The following NID2 variants were observed in gnomAD, a reference collection of about 807,000 sequenced individuals.
NID2 encodes nidogen-2.
In NID2, 83 loss-of-function variants were observed where a neutral mutation model predicts 145.4. The observed-to-expected ratio is 0.57, with a 90% confidence interval of 0.48 to 0.69. NID2 has a LOEUF of 0.69. NID2 is among the 30% of genes least tolerant of loss of function. The pLI, the probability that NID2 is intolerant of heterozygous loss-of-function variation, is 0.00. For missense variants in NID2, 1,807 were observed against 1,765.7 expected (o/e 1.02, Z -0.42); for synonymous variants, 739 against 701.3 (o/e 1.05, Z -0.85).
chr14:52,061,845 A>G (rs774620520), intron 2 of NID2, among the ~76,000 whole-genome samples: 10 of 152,252 alleles, frequency 6.6e-5, no homozygotes, highest in Non-Finnish European at 1.3e-4. Flanking sequence ...TAGGCTTCTG[A>G]AACTGTCTCT....
chr14:52,066,189 C>G (rs1893203837), intron 2 of NID2, among the ~76,000 whole-genome samples: 1 of 151,914 alleles, frequency 6.6e-6, no homozygotes, highest in Non-Finnish European at 1.5e-5. Context: ...AGAAAAGGAC[C>G]AGACAAAAGT....
Position 52,054,340 on chromosome 14 carries a change from G to C in NID2, c.768-19C>G. Reference sequence around the variant, plus strand: ...GCTTAGTCTAAATAAAAAGGAAACAGTCATTGTAACAAATGTAACAAAAGT... The same window carrying C: ...GCTTAGTCTAAATAAAAAGGAAACACTCATTGTAACAAATGTAACAAAAGT... On this transcript the variant is annotated intron_variant, in intron 3 of 21. Transcript: ENST00000216286. The C allele has an allele frequency of 1.3e-6, 2 of 1,595,994 alleles. No individual in the cohort carries two copies. Among genetic ancestry groups the C allele is most frequent in the South Asian group, 1.1e-5 (1 of 89,200 alleles).
chr14:52,033,228 C>A (rs536439050), intron 9 of NID2, among the ~76,000 whole-genome samples: 1 of 152,272 alleles, frequency 6.6e-6, no homozygotes, highest in South Asian at 2.1e-4. Flanking sequence ...GGATCTGGAA[C>A]TAATTTACTC....
At chr14:52,018,394 T>G (rs1891289549) in intron 14 of NID2, among the ~76,000 whole-genome samples, 1 of 152,208 alleles carries the variant, frequency 6.6e-6, no homozygotes, top group Non-Finnish European at 1.5e-5. Flanking sequence ...CTTATCTGCC[T>G]GCTGTTGGAA....
At chr14:52,030,565 AAAGG>A (rs1383482209) in intron 9 of NID2, among the ~76,000 whole-genome samples, 2 of 48,934 alleles carry the variant, frequency 4.1e-5, no homozygotes, top group African/African-American at 1.3e-4. Context: ...AGAAAGAAAG[AAAGG>A]AAGGAAGGGA....
chr14:52,014,506 G>A, intron 15 of NID2, 50 bp from the exon 16 acceptor site: 2 of 1,543,088 alleles, frequency 1.3e-6, no homozygotes, highest in South Asian at 2.4e-5. Context: ...GGCAGGCAGG[G>A]AGATGGGAAG....
chr14:52,019,995 A>G, intron 13 of NID2, 64 bp downstream of exon 13: 1 of 1,591,724 alleles, frequency 6.3e-7, no homozygotes, highest in Middle Eastern at 1.7e-4. Context: ...GTGGGCTGTC[A>G]TAGAAAAATA....
intron 18 of NID2, chr14:52,009,093 TCA>T (rs1051342486): frequency 6.6e-6 from 1 of 152,142 alleles, no homozygotes; most frequent in Non-Finnish European, 1.5e-5. Context: ...ACAGAGAACC[TCA>T]GTGAGAGGAG....
In NID2 at chr14:52,005,022, A is replaced by G. The variant is rs1415674286; in HGVS notation, c.*464T>C. 1.9e-5 allele frequency: 3 copies of G among 157,556 alleles called. No homozygotes were observed. Among genetic ancestry groups the G allele is most frequent in the Non-Finnish European group, 2.8e-5 (2 of 71,662 alleles). The allele number at this position is 157,556 out of a possible 1,614,324, so 9.8% of individuals were successfully genotyped here. On this transcript the variant is annotated 3_prime_UTR_variant, in exon 22 of 22. Transcript: ENST00000216286. ...ATCTTAGAACTTTTGTTGGGAAACT[A>G]TAAATAATTGGTCCTTTCCCATCAG...
Position 52,027,213 on chromosome 14 carries a change from G to A in NID2, c.2662C>T (p.His888Tyr). The A allele has an allele frequency of 6.4e-7, 1 of 1,553,396 alleles. No individual in the cohort carries two copies. The highest frequency in any genetic ancestry group is 8.7e-7 in the Non-Finnish European group (1 of 1,150,400). The stretch of plus-strand genomic sequence containing the variant: ...TGCAGTTACTCACCAGTGCACTGGT[G>A]CCCATCGCCGGCATAACCAGGCAGG... ...ACLPGYAGDG[H>Y]QCTDVDECSE... Residue 888 changes from histidine to tyrosine, a missense_variant, in exon 12 of 22, where the codon CAC becomes TAC. His to Tyr is a moderately conservative substitution (Grantham distance 83). Transcript: ENST00000216286.
chr14:52,040,663 A>G lies in NID2; in HGVS notation c.2014T>C (p.Tyr672His). ...HISPYKELYH[Y>H]SDSTVTSTSS... ...TGGTTATACATACTGGAGTCGGAGT[A>G]GTGGTACAGCTCCTTGTAGGGAGAG... Residue 672 changes from tyrosine (Y) to histidine (H), a missense_variant, in exon 8 of 22, where the codon TAC becomes CAC. Transcript: ENST00000216286. The G allele has an allele frequency of 6.2e-7, 1 of 1,613,682 alleles. No individual in the cohort carries two copies. The highest frequency in any genetic ancestry group is 1.7e-5 in the Admixed American group (1 of 60,022).
At chr14:52,068,644 C>T (rs1377456406) in intron 1 of NID2, 123 bp downstream of exon 1, 3 of 851,492 alleles carry the variant, frequency 3.5e-6, no homozygotes, top group Non-Finnish European at 5.5e-6. Flanking sequence ...CGGGTACCAC[C>T]GCAAGGGTGC....
chr14:52,022,836 G>A (rs560987404), intron 12 of NID2, among the ~76,000 whole-genome samples: 6 of 152,072 alleles, frequency 3.9e-5, no homozygotes, highest in East Asian at 1.9e-4. Flanking sequence ...CCAGGCTCCC[G>A]CCCCTTCACC....
intron 2 of NID2, among the ~76,000 whole-genome samples, chr14:52,063,875 A>T (rs1476935984): frequency 6.6e-6 from 1 of 152,236 alleles, no homozygotes; most frequent in African/African-American, 2.4e-5. Flanking sequence ...AGATCCTGCC[A>T]AAAATTCAAA....
chr14:52,059,496 T>C (rs1467120628), intron 3 of NID2, among the ~76,000 whole-genome samples: 1 of 152,178 alleles, frequency 6.6e-6, no homozygotes, highest in Non-Finnish European at 1.5e-5. Context: ...TGGCACTATC[T>C]GTACTGGCAA....
chr14:52,027,633 T>TACACACACACAC (rs59049676), intron 11 of NID2, among the ~76,000 whole-genome samples: 1,771 of 144,212 alleles, frequency 0.012, 43 homozygotes, highest in East Asian at 0.037. Context: ...GAGCAATTGC[T>TACACACACACAC]ACACACACAC....
chr14:52,014,576 C>T, intron 15 of NID2, 120 bp from the exon 16 acceptor site: 1 of 985,336 alleles, frequency 1.0e-6, no homozygotes, highest in South Asian at 1.7e-5. Flanking sequence ...TCGCCCTACG[C>T]AGATGTGCTC....
intron 5 of NID2, among the ~76,000 whole-genome samples, chr14:52,051,110 A>G (rs1314593490): frequency 6.6e-6 from 1 of 152,226 alleles, no homozygotes. Context: ...TGGCCAGGAC[A>G]TTCCTGCCTG....
At chr14:52,021,004 C>G (rs188446603) in intron 12 of NID2, among the ~76,000 whole-genome samples, 130 of 149,470 alleles carry the variant, frequency 8.7e-4, no homozygotes, top group Non-Finnish European at 1.7e-3. Flanking sequence ...AAGTCACCCA[C>G]CCCTCCCATC....
Sources: allele counts gnomAD v4.1 joint callset (sites outside exome capture counted in the v4.1 genomes callset), GRCh38; gene constraint gnomAD v4.1.1; transcripts MANE v1.5; gene names NCBI Gene and HGNC (gene_info 2026-07-23, HGNC 2026-07-21).